Variants in HDHD2 observed in about 807,000 individuals in gnomAD.
HDHD2 encodes the protein haloacid dehalogenase like hydrolase domain containing 2, also known as haloacid dehalogenase-like hydrolase domain-containing protein 2.
HDHD2 carries 26 observed loss-of-function variants against 24.8 expected under a neutral mutation model. The ratio of observed to expected loss-of-function variants is 1.05; its 90% confidence interval spans 0.77 to 1.45. HDHD2 has a LOEUF of 1.45. Ranked by LOEUF, HDHD2 falls within the 40% of genes most tolerant of loss-of-function variation. The probability of loss-of-function intolerance (pLI) is 0.00; values close to 1 mark genes in which losing one functional copy is unlikely to be tolerated. For missense variants in HDHD2, 299 were observed against 313.4 expected (o/e 0.95, Z 0.35); for synonymous variants, 128 against 114.9 (o/e 1.11, Z -0.73).
Position 47,112,978 on chromosome 18 carries a change from A to G in HDHD2, c.675T>C (p.Thr225=), listed in dbSNP as rs780817870. Residue 225 remains threonine (T), a splice_region_variant and synonymous_variant, in exon 6 of 7, where the codon ACT becomes ACC. Coordinates refer to ENST00000300605, the MANE Select transcript of HDHD2 (RefSeq NM_032124.5). ...ATGCTTTATACAGAAGATACATACC[A>G]GTCTTTACTAAGATGCCCAGCATGC... ...DVGMLGILVK[T]GKYRASDEEK... 19 of 1,611,980 alleles carry G rather than the reference A, an allele frequency of 1.2e-5. No homozygotes were observed. The highest frequency in any genetic ancestry group is 4.0e-5 in the African/African-American group (3 of 75,020).
rs201360848 is a variant in HDHD2, at chr18:47,134,655, C to T, written c.151G>A (p.Glu51Lys). The change falls in exon 3 of 7, where the codon GAG (glutamate) becomes AAG (lysine). Residue 51 changes from glutamate to lysine, a missense_variant. By Grantham distance (56) the Glu-to-Lys change is moderately conservative (BLOSUM62 1). Transcript: ENST00000300605. ...IIRFVTNTTK[E>K]SKQDLLERLR... ...CTTTCTAACAGGTCTTGCTTGCTCTCTTTGGTTGTATTGGTCACAAACCTA... is the reference window on the plus strand; with the variant it reads ...CTTTCTAACAGGTCTTGCTTGCTCTTTTTGGTTGTATTGGTCACAAACCTA... 2 of 1,614,096 alleles carry T rather than the reference C, an allele frequency of 1.2e-6. No individual in the cohort carries two copies. Among genetic ancestry groups the T allele is most frequent in the African/African-American group, 1.3e-5 (1 of 74,944 alleles).
intron 1 of HDHD2, 60 bp from the exon 2 acceptor site, chr18:47,136,509 T>C: frequency 7.3e-7 from 1 of 1,378,040 alleles, no homozygotes; most frequent in Non-Finnish European, 1.0e-6. Context: ...AATTAAAAAC[T>C]GGTAAGTATT....
intron 4 of HDHD2, among the ~76,000 whole-genome samples, chr18:47,126,461 G>A (rs1161077021): frequency 1.3e-5 from 2 of 152,026 alleles, no homozygotes; most frequent in African/African-American, 4.8e-5. Context: ...ACTTCTTATA[G>A]TGGTAAGAAG....
chr18:47,120,714 TTAAG>T (rs1288300391), intron 4 of HDHD2, among the ~76,000 whole-genome samples: 4 of 152,178 alleles, frequency 2.6e-5, no homozygotes, highest in African/African-American at 9.7e-5. Context: ...GCTTTTGATT[TTAAG>T]TAAGAGATGT....
At chr18:47,130,447 A>G in intron 3 of HDHD2, 119 bp from the exon 4 acceptor site, 1 of 655,108 alleles carries the variant, frequency 1.5e-6, no homozygotes, top group Non-Finnish European at 2.7e-6. Context: ...TTTAAAATTT[A>G]ATAGATTATC....
chr18:47,132,473 A>G (rs973468751), intron 3 of HDHD2, among the ~76,000 whole-genome samples: 3 of 152,208 alleles, frequency 2.0e-5, no homozygotes, highest in Non-Finnish European at 4.4e-5. Context: ...GTGCTGCTTC[A>G]TATGTAATTT....
In HDHD2 at chr18:47,134,683, G is replaced by C. The variant is rs772940564; in HGVS notation, c.123C>G (p.Ile41Met). 1.9e-6 allele frequency: 3 copies of C among 1,613,964 alleles called. No individual in the cohort carries two copies. Among genetic ancestry groups the C allele is most frequent in the Non-Finnish European group, 2.5e-6 (3 of 1,179,976 alleles). ...TGGTTGTATTGGTCACAAACCTAAT[G>C]ATTACAGAAGCACCACGTAACCTGG... ...ALKRLRGASV[I>M]IRFVTNTTKE... Residue 41 changes from isoleucine to methionine, a missense_variant, in exon 3 of 7, where the codon ATC becomes ATG. Transcript: ENST00000300605.
rs552417692 is a variant in HDHD2, at chr18:47,130,968, C to CTTTA, written c.311-644_311-641dup. The stretch of plus-strand genomic sequence containing the variant: ...CAAACGAGTACATTCTCCATTACAA[C>CTTTA]TTTATTTATTTATTTATTTATTTTT... On this transcript the variant is annotated intron_variant, in intron 3 of 6. Transcript: ENST00000300605. Among the ~76,000 whole-genome samples the CTTTA allele has an allele frequency of 7.5e-3, 1,135 of 152,066 alleles. 9 individuals are homozygous for CTTTA. Among genetic ancestry groups the CTTTA allele is most frequent in the African/African-American group, 0.025 (1,031 of 41,458 alleles).
At position 47,110,575 on chromosome 18, in the gene HDHD2, G is replaced by A. The variant is rs569768076; in HGVS notation, c.677-1790C>T. 3.1e-5 allele frequency: 31 copies of A among 985,346 alleles called. 1 individual carries two copies. In the South Asian group the frequency reaches 1.4e-3, roughly 45 times the overall value. 61.0% of individuals were successfully genotyped at this position (985,346 alleles called of 1,614,324 possible). On this transcript the variant is annotated intron_variant, in intron 6 of 6. Coordinates refer to ENST00000300605, the MANE Select transcript of HDHD2 (RefSeq NM_032124.5). ...TTGCTTAGTCTGGCTCTGCAAGTGG[G>A]GTTTCTACAAAATAGAAATTGACAA...
chr18:47,115,001 G>A, intron 5 of HDHD2, 131 bp downstream of exon 5: 1 of 626,864 alleles, frequency 1.6e-6, no homozygotes, highest in Non-Finnish European at 2.8e-6. Flanking sequence ...TCATTTTATA[G>A]GTAGCCATTT....
rs1303629333 is a variant in HDHD2, at chr18:47,108,659, T to G, written c.*23A>C. ...AGACAATAAGAAGCTGCATTTCAAG[T>G]TGCTTCAGATGCACACACTGCTTCA... is the stretch of plus-strand genomic sequence containing the variant. On this transcript the variant is annotated 3_prime_UTR_variant, in exon 7 of 7. Transcript: ENST00000300605. 7.8e-6 allele frequency: 10 copies of G among 1,275,542 alleles called. No homozygotes were observed. The highest frequency in any genetic ancestry group is 1.9e-4 in the Middle Eastern group (1 of 5,352). The allele number at this position is 1,275,542 out of a possible 1,614,324, so 79.0% of individuals were successfully genotyped here.
intron 5 of HDHD2, among the ~76,000 whole-genome samples, chr18:47,114,390 T>C (rs1391243461): frequency 1.3e-5 from 2 of 152,230 alleles, no homozygotes; most frequent in African/African-American, 4.8e-5. Context: ...TTTCCCAGTC[T>C]ATAAAATGAG....
At chr18:47,142,623 A>G (rs528942513) in intron 1 of HDHD2, among the ~76,000 whole-genome samples, 43 of 152,340 alleles carry the variant, frequency 2.8e-4, no homozygotes, top group African/African-American at 1.0e-3. Context: ...GTGGGCTTTG[A>G]GGAGAAAGAA....
intron 1 of HDHD2, among the ~76,000 whole-genome samples, chr18:47,139,107 C>A (rs941328469): frequency 6.6e-6 from 1 of 152,068 alleles, no homozygotes; most frequent in African/African-American, 2.4e-5. Flanking sequence ...ACTGGGGACT[C>A]TTCCAGACCT....
At chr18:47,141,894 A>G (rs888443309) in intron 1 of HDHD2, among the ~76,000 whole-genome samples, 8 of 152,286 alleles carry the variant, frequency 5.3e-5, no homozygotes, top group Non-Finnish European at 8.8e-5. Context: ...GAGGGACCCA[A>G]TGGGAGGTAA....
chr18:47,150,068 G>A (rs561693913), intron 1 of HDHD2: 1 of 152,358 alleles, frequency 6.6e-6, no homozygotes, highest in Non-Finnish European at 1.5e-5. Context: ...TGACCAGGAG[G>A]GACGCTAGCT....
At chr18:47,131,060 T>C (rs1284039324) in intron 3 of HDHD2, among the ~76,000 whole-genome samples, 1 of 152,092 alleles carries the variant, frequency 6.6e-6, no homozygotes, top group African/African-American at 2.4e-5. Context: ...CACCACAACC[T>C]CCGCCTCCCA....
intron 6 of HDHD2, among the ~76,000 whole-genome samples, chr18:47,112,583 C>G (rs1210872751): frequency 6.6e-6 from 1 of 152,188 alleles, no homozygotes. Context: ...AGAATCAGAT[C>G]ACTTAGCTGG....
chr18:47,141,434 C>T (rs1219659016), intron 1 of HDHD2, among the ~76,000 whole-genome samples: 1 of 152,164 alleles, frequency 6.6e-6, no homozygotes, highest in African/African-American at 2.4e-5. Flanking sequence ...TTCCCTTTCA[C>T]ATTTTATTCT....
Sources: allele counts gnomAD v4.1 joint callset (sites outside exome capture counted in the v4.1 genomes callset), GRCh38; gene constraint gnomAD v4.1.1; transcripts MANE v1.5; gene names NCBI Gene and HGNC (gene_info 2026-07-23, HGNC 2026-07-21).